TNFRSF19: variants seen among roughly 807,000 people sequenced by gnomAD.
TNFRSF19 encodes the protein TNF receptor superfamily member 19.
Under a neutral mutation model 46.4 loss-of-function variants are expected in TNFRSF19, and 27 were observed. That is an observed-to-expected ratio of 0.58 (90% CI 0.43 to 0.80). The LOEUF (loss-of-function observed/expected upper bound fraction) is 0.80, where lower values mean the gene tolerates loss of function less well. Ranked by LOEUF, TNFRSF19 falls within the 30% of genes least tolerant of loss-of-function variation. The pLI, the probability that TNFRSF19 is intolerant of heterozygous loss-of-function variation, is 0.00. For missense variants in TNFRSF19, 511 were observed against 530.8 expected (o/e 0.96, Z 0.37); for synonymous variants, 204 against 205.0 (o/e 1.00, Z 0.04).
At chr13:23,601,193 A>G (rs1248246214) in intron 3 of TNFRSF19, among the ~76,000 whole-genome samples, 4 of 152,186 alleles carry the variant, frequency 2.6e-5, no homozygotes, top group African/African-American at 7.2e-5. Context: ...GACACCAAGT[A>G]TATCATTTGC....
chr13:23,662,607 A>G (rs1201648237), intron 7 of TNFRSF19, among the ~76,000 whole-genome samples: 1 of 152,168 alleles, frequency 6.6e-6, no homozygotes, highest in African/African-American at 2.4e-5. Flanking sequence ...GAATCTGTAC[A>G]TTTGTTTGGG....
intron 4 of TNFRSF19, among the ~76,000 whole-genome samples, chr13:23,621,778 TAA>T (rs201195182): frequency 0.64 from 93,691 of 147,094 alleles, 30,386 homozygotes; most frequent in Middle Eastern, 0.74. Flanking sequence ...ACCCTATCTC[TAA>T]AAAAAAAAAA....
intron 5 of TNFRSF19, among the ~76,000 whole-genome samples, chr13:23,627,573 G>A (rs1281616133): frequency 6.6e-6 from 1 of 152,296 alleles, no homozygotes; most frequent in African/African-American, 2.4e-5. Flanking sequence ...GGCAGAGCAC[G>A]CTTGTCTGTG....
At chr13:23,648,440 T>A (rs1581789) in intron 5 of TNFRSF19, among the ~76,000 whole-genome samples, 40,257 of 152,156 alleles carry the variant, frequency 0.26, 5,708 homozygotes, top group East Asian at 0.46. Context: ...TGATTTTGTA[T>A]CCTGCAATGT....
At chr13:23,633,878 TAAAAC>T (rs1882514822) in intron 5 of TNFRSF19, among the ~76,000 whole-genome samples, 3 of 151,978 alleles carry the variant, frequency 2.0e-5, no homozygotes, top group Admixed American at 1.3e-4. Flanking sequence ...AAATAAAAAA[TAAAAC>T]AAAACAAGAA....
At chr13:23,597,332 AATAG>A (rs1441908505) in intron 3 of TNFRSF19, among the ~76,000 whole-genome samples, 10 of 152,164 alleles carry the variant, frequency 6.6e-5, no homozygotes, top group Non-Finnish European at 5.9e-5. Context: ...AGATTAACAA[AATAG>A]ATAGATCGCT....
At chr13:23,641,594 G>C (rs1363761215) in intron 5 of TNFRSF19, among the ~76,000 whole-genome samples, 1 of 152,182 alleles carries the variant, frequency 6.6e-6, no homozygotes, top group Non-Finnish European at 1.5e-5. Context: ...GCCTCCCAAA[G>C]TGCTGGGATT....
Position 23,626,702 on chromosome 13 carries a change from T to C in TNFRSF19, c.360-5T>C, listed in dbSNP as rs1011628838. On this transcript the variant is annotated splice_region_variant and splice_polypyrimidine_tract_variant and intron_variant, in intron 4 of 9. Transcript: ENST00000248484. ...TAACAAGGAGTATTTTCCTTTCTCT[T>C]CTAGATTTTATAGGAAGACGAAACT... The C allele has an allele frequency of 8.1e-6, 13 of 1,613,846 alleles. No individual in the cohort carries two copies. Among genetic ancestry groups the C allele is most frequent in the South Asian group, 4.4e-5 (4 of 91,074 alleles).
At position 23,583,894 on chromosome 13, in the gene TNFRSF19, T is replaced by C. The variant is rs575401051; in HGVS notation, c.-34-6256T>C. On this transcript the variant is annotated intron_variant, in intron 1 of 9. Transcript: ENST00000248484. ...GCATTTCAGGGTAGAGAAACATTCA[T>C]GAATTTTGGGAAAAACACATTAGTT... Among the ~76,000 whole-genome samples, 29 of 152,342 alleles carry C rather than the reference T, an allele frequency of 1.9e-4. No homozygotes were observed. The South Asian group carries it at 3.1e-3, about 16-fold the overall frequency.
intron 5 of TNFRSF19, among the ~76,000 whole-genome samples, chr13:23,652,007 A>G (rs963417617): frequency 7.2e-5 from 11 of 151,930 alleles, no homozygotes; most frequent in African/African-American, 2.7e-4. Context: ...GTACAGATAC[A>G]TATCAACTTC....
At chr13:23,601,095 A>C (rs1880123075) in intron 3 of TNFRSF19, among the ~76,000 whole-genome samples, 1 of 152,184 alleles carries the variant, frequency 6.6e-6, no homozygotes, top group Admixed American at 6.5e-5. Flanking sequence ...AACAATAATG[A>C]CTTAGAATTT....
intron 1 of TNFRSF19, among the ~76,000 whole-genome samples, chr13:23,587,809 GGA>G (rs1212956423): frequency 6.6e-6 from 1 of 152,184 alleles, no homozygotes; most frequent in Non-Finnish European, 1.5e-5. Flanking sequence ...GTGGTAGAAA[GGA>G]GAAAAAGCTA....
chr13:23,571,907 T>A (rs115139017), intron 1 of TNFRSF19, among the ~76,000 whole-genome samples: 85 of 152,080 alleles, frequency 5.6e-4, no homozygotes, highest in African/African-American at 2.0e-3. Flanking sequence ...TAAATTTATC[T>A]GGGCAAAATA....
chr13:23,601,361 T>C (rs1880152595), intron 3 of TNFRSF19, among the ~76,000 whole-genome samples: 1 of 152,092 alleles, frequency 6.6e-6, no homozygotes, highest in African/African-American at 2.4e-5. Context: ...ATTGAGAAAA[T>C]AGCACCTAAA....
intron 5 of TNFRSF19, 145 bp from the exon 6 acceptor site, chr13:23,658,905 G>A (rs1884154814): frequency 2.1e-6 from 2 of 958,118 alleles, no homozygotes; most frequent in Non-Finnish European, 3.2e-6. Context: ...TCTGGGTGGA[G>A]GGGGTGCTTG....
At chr13:23,668,106 C>T in intron 8 of TNFRSF19, 24 bp downstream of exon 8, 1 of 1,563,268 alleles carries the variant, frequency 6.4e-7, no homozygotes, top group Non-Finnish European at 8.7e-7. Flanking sequence ...TTCAATCAAT[C>T]ATTTCATAAC....
At chr13:23,611,455 A>C (rs889954597) in intron 3 of TNFRSF19, among the ~76,000 whole-genome samples, 2 of 152,202 alleles carry the variant, frequency 1.3e-5, no homozygotes, top group African/African-American at 4.8e-5. Context: ...GTGACCAGGC[A>C]TCACCTGGGA....
At chr13:23,572,826 A>T (rs1877713683) in intron 1 of TNFRSF19, among the ~76,000 whole-genome samples, 1 of 152,242 alleles carries the variant, frequency 6.6e-6, no homozygotes, top group Non-Finnish European at 1.5e-5. Flanking sequence ...ATATAGTCCT[A>T]TTACTTCTAC....
intron 5 of TNFRSF19, among the ~76,000 whole-genome samples, chr13:23,642,514 T>G (rs1883087432): frequency 6.6e-6 from 1 of 152,204 alleles, no homozygotes; most frequent in Non-Finnish European, 1.5e-5. Context: ...GAGGCTGTCA[T>G]TTGCTGGTGG....
Sources: allele counts gnomAD v4.1 joint callset (sites outside exome capture counted in the v4.1 genomes callset), GRCh38; gene constraint gnomAD v4.1.1; transcripts MANE v1.5; gene names NCBI Gene and HGNC (gene_info 2026-07-23, HGNC 2026-07-21).